The following CDKL4 variants were observed in gnomAD, a reference collection of about 807,000 sequenced individuals.
CDKL4 encodes cyclin dependent kinase like 4.
A neutral mutation model predicts 42.0 loss-of-function variants in CDKL4; 44 were observed. The observed-to-expected ratio is 1.05, with a 90% CI of 0.82 to 1.35. The LOEUF (loss-of-function observed/expected upper bound fraction) is 1.35, where lower values mean the gene tolerates loss of function less well. Among genes scored for constraint, CDKL4 ranks in the 40% most tolerant of loss-of-function variants. CDKL4 has a pLI of 0.00. For missense variants in CDKL4, 393 were observed against 369.9 expected, an observed-to-expected ratio of 1.06 and a Z score of -0.51; for synonymous variants, 120 against 121.6, an observed-to-expected ratio of 0.99 and a Z score of 0.09.
chr2:39,244,670 G>A (rs1199894810), upstream of CDKL4, among the ~76,000 whole-genome samples: 5 of 152,336 alleles, frequency 3.3e-5, no homozygotes, highest in South Asian at 6.2e-4. Flanking sequence ...AGCGAACGGC[G>A]CGGGACTGGC....
At chr2:39,216,158 A>G (rs1406309685) in intron 3 of CDKL4, among the ~76,000 whole-genome samples, 2 of 152,198 alleles carry the variant, frequency 1.3e-5, no homozygotes, top group Non-Finnish European at 2.9e-5. Flanking sequence ...GTAATACTAG[A>G]ATAATATCTT....
intron 1 of CDKL4, among the ~76,000 whole-genome samples, chr2:39,230,325 CAA>C (rs903824605): frequency 1.3e-5 from 2 of 152,238 alleles, no homozygotes; most frequent in Non-Finnish European, 2.9e-5. Context: ...GCTTGGGCAA[CAA>C]GAGTGAAACT....
intron 3 of CDKL4, among the ~76,000 whole-genome samples, chr2:39,224,548 G>A (rs550909087): frequency 6.8e-6 from 1 of 147,096 alleles, no homozygotes; most frequent in East Asian, 2.0e-4. Flanking sequence ...CTGTCACCAA[G>A]GCTGGAGTGC....
chr2:39,228,364 A>G (rs1472907478), intron 2 of CDKL4, among the ~76,000 whole-genome samples: 1 of 152,182 alleles, frequency 6.6e-6, no homozygotes, highest in African/African-American at 2.4e-5. Context: ...TATTTCAAAC[A>G]AAACCCTAGT....
chr2:39,199,074 A>G (rs36038769), intron 5 of CDKL4, among the ~76,000 whole-genome samples: 2,868 of 152,240 alleles, frequency 0.019, 37 homozygotes, highest in Non-Finnish European at 0.031. Flanking sequence ...AAGATAAATA[A>G]AATTGATAGG....
rs1041429690 is a variant in CDKL4, at chr2:39,177,404, T to G, written c.928-1308A>C. 2.5e-4 allele frequency among the ~76,000 whole-genome samples: 34 copies of G among 133,812 alleles called. 2 individuals are homozygous for G. The East Asian group carries it at 4.8e-3, about 19-fold the overall frequency. 87.8% of individuals were successfully genotyped at this position (133,812 alleles called of 152,430 possible). A position where few individuals can be genotyped will look rare whatever the true frequency, so the allele number is the denominator to read the frequency against. On this transcript the variant is annotated intron_variant, in intron 9 of 9. Transcript: ENST00000451199. ...CCAGTGTTGGGGGGAATCCAGTGAG[T>G]TTTTTTTTTTTTTTTTTGAGATGGA...
intron 8 of CDKL4, among the ~76,000 whole-genome samples, chr2:39,183,818 G>C (rs1675575190): frequency 6.6e-6 from 1 of 152,040 alleles, no homozygotes; most frequent in Admixed American, 6.6e-5. Context: ...GGGGTATCAG[G>C]CTCTGACTCT....
chr2:39,226,134 C>T (rs1028381380), intron 2 of CDKL4, among the ~76,000 whole-genome samples, 174 bp from the exon 3 acceptor site: 1 of 151,728 alleles, frequency 6.6e-6, no homozygotes, highest in South Asian at 2.1e-4. Context: ...AAGTATGTAA[C>T]TTAAAATACT....
At chr2:39,182,118 A>G (rs1675475279) in intron 8 of CDKL4, among the ~76,000 whole-genome samples, 1 of 152,140 alleles carries the variant, frequency 6.6e-6, no homozygotes, top group Non-Finnish European at 1.5e-5. Flanking sequence ...AGTAGCTGGG[A>G]CTAAAGGCAA....
chr2:39,213,379 A>C (rs1463837438), intron 4 of CDKL4, 21 bp downstream of exon 4: 1 of 1,421,656 alleles, frequency 7.0e-7, no homozygotes, highest in Admixed American at 1.7e-5. Flanking sequence ...ATGAATAAAT[A>C]CATTAGAAAA....
intron 8 of CDKL4, among the ~76,000 whole-genome samples, chr2:39,180,937 C>T (rs1437038698): frequency 1.3e-5 from 2 of 152,182 alleles, no homozygotes; most frequent in African/African-American, 4.8e-5. Flanking sequence ...GATCTGCCCA[C>T]CTCGGCCTCC....
At chr2:39,179,045 A>G (rs1558541872) in intron 9 of CDKL4, 142 bp downstream of exon 9, 5 of 1,493,590 alleles carry the variant, frequency 3.3e-6, no homozygotes, top group South Asian at 1.4e-5. Context: ...TCAATTACCA[A>G]TATTTATTAA....
At chr2:39,220,977 T>TG in intron 3 of CDKL4, among the ~76,000 whole-genome samples, 1 of 16,686 alleles carries the variant, frequency 6.0e-5, no homozygotes, top group Non-Finnish European at 1.9e-4. Context: ...ATCGACGATC[T>TG]TTTTTTTTTT....
chr2:39,243,623 C>CCCG (rs2148416869), intron 1 of CDKL4, among the ~76,000 whole-genome samples: 1 of 152,388 alleles, frequency 6.6e-6, no homozygotes, highest in East Asian at 1.9e-4. Context: ...CTCCTCGGCC[C>CCCG]CCGCCGCCGC....
intron 9 of CDKL4, among the ~76,000 whole-genome samples, chr2:39,177,102 T>G (rs1010537051): frequency 1.3e-5 from 2 of 152,186 alleles, no homozygotes; most frequent in African/African-American, 4.8e-5. Context: ...ATTCTCTAGG[T>G]GCATGCTGCC....
intron 3 of CDKL4, among the ~76,000 whole-genome samples, chr2:39,224,419 T>C (rs764009463): frequency 6.6e-6 from 1 of 151,542 alleles, no homozygotes; most frequent in Admixed American, 6.6e-5. Flanking sequence ...GTTGTCTTCA[T>C]GCAGAGTCAG....
At chr2:39,238,774 T>TA (rs1558589497) in intron 1 of CDKL4, among the ~76,000 whole-genome samples, 1 of 150,990 alleles carries the variant, frequency 6.6e-6, no homozygotes, top group African/African-American at 2.4e-5. Flanking sequence ...TTGTTTAAGA[T>TA]AGAGTCTCAC....
intron 5 of CDKL4, among the ~76,000 whole-genome samples, chr2:39,202,369 C>G (rs1351820543): frequency 6.6e-6 from 1 of 152,196 alleles, no homozygotes; most frequent in South Asian, 2.1e-4. Context: ...CTATTCAAGT[C>G]CTTTGCCCAC....
intron 4 of CDKL4, among the ~76,000 whole-genome samples, chr2:39,210,131 C>T (rs1677503561): frequency 6.6e-6 from 1 of 152,068 alleles, no homozygotes; most frequent in Non-Finnish European, 1.5e-5. Context: ...GCTGGGATTA[C>T]AGGCATGCAT....
Sources: gnomAD v4.1 joint callset for allele counts (sites outside exome capture counted in the v4.1 genomes callset) on GRCh38, gnomAD v4.1.1 for gene constraint, MANE v1.5 for transcripts, NCBI Gene and HGNC (gene_info 2026-07-23, HGNC 2026-07-21) for gene names.